The following TNIK variants were observed in gnomAD, a reference collection of about 807,000 sequenced individuals.
TNIK encodes the protein TRAF2 and NCK-interacting protein kinase.
Under a neutral mutation model 191.3 loss-of-function variants are expected in TNIK, and 49 were observed. The ratio of observed to expected loss-of-function variants is 0.26; its 90% CI spans 0.20 to 0.32. TNIK has a LOEUF of 0.32. Ranked by LOEUF, TNIK falls within the 10% of genes least tolerant of loss-of-function variation. The pLI is 1.00. For missense variants in TNIK, 1,155 were observed against 1,702.3 expected (o/e 0.68, Z 5.66); for synonymous variants, 594 against 600.9 (o/e 0.99, Z 0.17).
intron 2 of TNIK, among the ~76,000 whole-genome samples, chr3:171,237,402 C>T (rs150681523): frequency 1.3e-5 from 2 of 151,686 alleles, no homozygotes; most frequent in African/African-American, 4.8e-5. Context: ...CTGTTACTGA[C>T]ACAAAAATCA....
rs147564395 is a variant in TNIK, at chr3:171,265,286, G to A, written c.124-37065C>T. Among the ~76,000 whole-genome samples the A allele has an allele frequency of 1.1e-3, 165 of 152,256 alleles. 2 individuals are homozygous for A. The highest frequency in any genetic ancestry group is 4.4e-3 in the East Asian group (23 of 5,188). ...AAACTGAAAATATTTCAAATAATAG[G>A]AGAAAATCTAGAGGAATTGTGACTT... On this transcript the variant is annotated intron_variant, in intron 2 of 32. Coordinates refer to ENST00000436636, the MANE Select transcript of TNIK (RefSeq NM_015028.4).
chr3:171,084,863 G>A (rs1277316793), intron 25 of TNIK, among the ~76,000 whole-genome samples: 1 of 152,142 alleles, frequency 6.6e-6, no homozygotes, highest in Non-Finnish European at 1.5e-5. Flanking sequence ...GATCACTGAG[G>A]AACAGCTTTT....
At chr3:171,437,945 A>G (rs751048739) in intron 1 of TNIK, among the ~76,000 whole-genome samples, 11 of 152,212 alleles carry the variant, frequency 7.2e-5, no homozygotes, top group Non-Finnish European at 1.3e-4. Context: ...CCACGCCATG[A>G]GGCGGCAAAA....
intron 22 of TNIK, among the ~76,000 whole-genome samples, chr3:171,099,674 G>C (rs1426123316): frequency 6.6e-6 from 1 of 152,178 alleles, no homozygotes; most frequent in Non-Finnish European, 1.5e-5. Flanking sequence ...TAGCACAGAA[G>C]AGGGGGCAGG....
intron 28 of TNIK, among the ~76,000 whole-genome samples, chr3:171,077,071 T>TCCC (rs34196156): frequency 1.4e-5 from 2 of 142,890 alleles, no homozygotes; most frequent in African/African-American, 2.6e-5. Flanking sequence ...CCTTTCTTGT[T>TCCC]CCCCCCCCCC....
chr3:171,150,017 G>A (rs941518982), intron 12 of TNIK, among the ~76,000 whole-genome samples: 1 of 152,154 alleles, frequency 6.6e-6, no homozygotes, highest in African/African-American at 2.4e-5. Context: ...GCTTTCCTCT[G>A]GCTTGGGGCC....
At chr3:171,271,648 A>G (rs776785267) in intron 2 of TNIK, among the ~76,000 whole-genome samples, 1 of 152,212 alleles carries the variant, frequency 6.6e-6, no homozygotes, top group Non-Finnish European at 1.5e-5. Context: ...TAAAATATTT[A>G]TGACTGTTTT....
chr3:171,448,275 C>T (rs946409406), intron 1 of TNIK, among the ~76,000 whole-genome samples: 2 of 152,088 alleles, frequency 1.3e-5, no homozygotes, highest in African/African-American at 4.8e-5. Context: ...TAATTTGGGA[C>T]GTTAGCAGTC....
At chr3:171,147,942 C>T (rs185140674) in intron 12 of TNIK, among the ~76,000 whole-genome samples, 2 of 152,076 alleles carry the variant, frequency 1.3e-5, no homozygotes, top group African/African-American at 4.8e-5. Context: ...TGCCATTTTC[C>T]CCTCTTTCTA....
intron 1 of TNIK, among the ~76,000 whole-genome samples, chr3:171,420,998 C>A (rs78234014): frequency 1.3e-5 from 2 of 152,186 alleles, no homozygotes; most frequent in East Asian, 3.9e-4. Context: ...ATTTTCAGAT[C>A]GTGGTTGACT....
At chr3:171,063,990 T>G in intron 32 of TNIK, 26 bp from the exon 33 acceptor site, 1 of 1,604,926 alleles carries the variant, frequency 6.2e-7, no homozygotes, top group Non-Finnish European at 8.5e-7. Flanking sequence ...AAGAAGTTAG[T>G]TCAACTGCAT....
intron 24 of TNIK, among the ~76,000 whole-genome samples, chr3:171,085,478 T>G (rs1721232327): frequency 1.3e-5 from 2 of 152,218 alleles, no homozygotes; most frequent in Non-Finnish European, 2.9e-5. Flanking sequence ...AAAATTACAT[T>G]TTGGACCACA....
chr3:171,248,175 A>G (rs897508101), intron 2 of TNIK, among the ~76,000 whole-genome samples: 1 of 152,164 alleles, frequency 6.6e-6, no homozygotes, highest in African/African-American at 2.4e-5. Context: ...AATAAGGGAT[A>G]CCTGTCCAAT....
chr3:171,399,769 G>C (rs1720689078), intron 1 of TNIK, among the ~76,000 whole-genome samples: 1 of 152,130 alleles, frequency 6.6e-6, no homozygotes, highest in Admixed American at 6.5e-5. Context: ...AAATATACGT[G>C]TTTAGTGGCA....
intron 3 of TNIK, among the ~76,000 whole-genome samples, chr3:171,221,157 A>T (rs1210123951): frequency 2.0e-5 from 3 of 152,232 alleles, no homozygotes; most frequent in Non-Finnish European, 4.4e-5. Flanking sequence ...GGTATTAGGA[A>T]GACAAAAAAA....
chr3:171,287,624 T>C (rs894253443), intron 2 of TNIK, among the ~76,000 whole-genome samples: 1 of 152,266 alleles, frequency 6.6e-6, no homozygotes, highest in Non-Finnish European at 1.5e-5. Context: ...CTATAAGTTT[T>C]GATTCCAAAC....
chr3:171,085,834 T>G (rs1483982187), intron 24 of TNIK, among the ~76,000 whole-genome samples: 1 of 152,158 alleles, frequency 6.6e-6, no homozygotes, highest in Non-Finnish European at 1.5e-5. Context: ...ATAATTACAT[T>G]TACATCCTTA....
At chr3:171,442,229 A>C (rs946493867) in intron 1 of TNIK, among the ~76,000 whole-genome samples, 15 of 152,178 alleles carry the variant, frequency 9.9e-5, no homozygotes, top group Non-Finnish European at 2.2e-4. Flanking sequence ...ACAGGGGATT[A>C]TTTTTTTAAA....
chr3:171,151,237 C>A (rs987418706), intron 12 of TNIK, among the ~76,000 whole-genome samples: 5 of 152,172 alleles, frequency 3.3e-5, no homozygotes, highest in Admixed American at 1.3e-4. Context: ...TCTACACGAA[C>A]CTAAAGCTGG....
Sources: allele counts gnomAD v4.1 joint callset (sites outside exome capture counted in the v4.1 genomes callset), GRCh38; gene constraint gnomAD v4.1.1; transcripts MANE v1.5; gene names NCBI Gene and HGNC (gene_info 2026-07-23, HGNC 2026-07-21).